The following ZNF385D variants were observed in gnomAD, a reference collection of about 807,000 sequenced individuals.
ZNF385D encodes the protein zinc finger protein 385D, also known as zinc finger protein 659.
ZNF385D carries 15 observed loss-of-function variants against 35.8 expected under a neutral mutation model. The ratio of observed to expected loss-of-function variants is 0.42; its 90% CI spans 0.28 to 0.64. The LOEUF (loss-of-function observed/expected upper bound fraction) is 0.64, where lower values mean the gene tolerates loss of function less well. ZNF385D is among the 30% of genes least tolerant of loss of function. ZNF385D has a pLI of 0.23. For synonymous variants in ZNF385D, 212 were observed against 186.8 expected, an observed-to-expected ratio of 1.13 and a Z score of -1.10; for missense variants, 474 against 494.6, an observed-to-expected ratio of 0.96 and a Z score of 0.39.
intron 3 of ZNF385D, among the ~76,000 whole-genome samples, chr3:22,072,446 T>A (rs538370643): frequency 6.6e-6 from 1 of 152,066 alleles, no homozygotes; most frequent in Non-Finnish European, 1.5e-5. Flanking sequence ...AACAATCTCA[T>A]CAAGAATCAC....
intron 2 of ZNF385D, among the ~76,000 whole-genome samples, chr3:22,359,934 A>G (rs1265549304): frequency 6.6e-6 from 1 of 151,894 alleles, no homozygotes; most frequent in African/African-American, 2.4e-5. Context: ...ATAAAAAGGT[A>G]TTTTACATGT....
chr3:22,163,945 T>G (rs1030074629), intron 3 of ZNF385D, among the ~76,000 whole-genome samples: 1 of 152,224 alleles, frequency 6.6e-6, no homozygotes, highest in Non-Finnish European at 1.5e-5. Flanking sequence ...TTTGTACAAA[T>G]CAACATTTTT....
intron 4 of ZNF385D, among the ~76,000 whole-genome samples, chr3:21,450,450 C>T (rs1280615266): frequency 6.6e-6 from 1 of 152,142 alleles, no homozygotes; most frequent in Non-Finnish European, 1.5e-5. Context: ...TAAGTCATCC[C>T]TAATTGAGGA....
intron 3 of ZNF385D, among the ~76,000 whole-genome samples, chr3:22,017,932 T>C (rs1299476890): frequency 6.6e-6 from 1 of 151,978 alleles, no homozygotes; most frequent in Non-Finnish European, 1.5e-5. Flanking sequence ...AATATAACTT[T>C]GATATTTCTT....
At chr3:21,551,153 A>G (rs2062554724) in intron 3 of ZNF385D, among the ~76,000 whole-genome samples, 3 of 152,206 alleles carry the variant, frequency 2.0e-5, no homozygotes, top group Admixed American at 2.0e-4. Context: ...AGTTAGTTCC[A>G]TGAGGTAAGA....
intron 2 of ZNF385D, among the ~76,000 whole-genome samples, chr3:22,273,794 T>A (rs756694538): frequency 5.9e-4 from 89 of 152,096 alleles, no homozygotes; most frequent in Non-Finnish European, 1.2e-3. Context: ...GGAATTCAAC[T>A]GAACTTCTAC....
intron 2 of ZNF385D, among the ~76,000 whole-genome samples, chr3:22,343,066 G>A (rs767235363): frequency 5.9e-5 from 9 of 152,224 alleles, no homozygotes; most frequent in East Asian, 3.9e-4. Context: ...ATGATTATAC[G>A]TTTTAACGAT....
At position 22,310,937 on chromosome 3, in the gene ZNF385D, A is replaced by G. The variant is rs146542973; in HGVS notation, c.106+61513T>C. Among the ~76,000 whole-genome samples, 582 of 151,946 alleles carry G rather than the reference A, an allele frequency of 3.8e-3. 5 individuals carry two copies. Among genetic ancestry groups the G allele is most frequent in the African/African-American group, 0.013 (550 of 41,508 alleles). ...TTTCAGTGTTTAATTTTGTTTATGAAGTTTTTGATGTTATAAGTCATTAAA... is the reference window on the plus strand; with the variant it reads ...TTTCAGTGTTTAATTTTGTTTATGAGGTTTTTGATGTTATAAGTCATTAAA... On this transcript the variant is annotated intron_variant, in intron 2 of 5. Transcript: ENST00000494108.
intron 2 of ZNF385D, among the ~76,000 whole-genome samples, chr3:22,217,418 C>A (rs996213773): frequency 6.6e-6 from 1 of 152,086 alleles, no homozygotes; most frequent in Non-Finnish European, 1.5e-5. Flanking sequence ...CTCATCATAC[C>A]TGATTAAAAC....
intron 2 of ZNF385D, among the ~76,000 whole-genome samples, chr3:21,655,698 A>T (rs1390397586): frequency 6.6e-6 from 1 of 152,042 alleles, no homozygotes; most frequent in Non-Finnish European, 1.5e-5. Flanking sequence ...TAGCTGATTT[A>T]AAAAATTACA....
At chr3:22,046,187 G>T (rs1698996858) in intron 3 of ZNF385D, among the ~76,000 whole-genome samples, 1 of 152,026 alleles carries the variant, frequency 6.6e-6, no homozygotes, top group Admixed American at 6.6e-5. Context: ...AAAAGTCAAA[G>T]GAAAATATTC....
chr3:21,738,022 A>G (rs1292046461), intron 1 of ZNF385D, among the ~76,000 whole-genome samples: 1 of 152,242 alleles, frequency 6.6e-6, no homozygotes, highest in Non-Finnish European at 1.5e-5. Context: ...TTCCATGAAC[A>G]GGATTTTATA....
chr3:21,802,913 G>A (rs1272116498), intron 3 of ZNF385D, among the ~76,000 whole-genome samples: 1 of 152,184 alleles, frequency 6.6e-6, no homozygotes, highest in African/African-American at 2.4e-5. Flanking sequence ...ATGCTCCCAG[G>A]AGGAACAAGG....
chr3:21,514,303 T>C (rs926065367), intron 3 of ZNF385D, among the ~76,000 whole-genome samples: 1 of 152,156 alleles, frequency 6.6e-6, no homozygotes, highest in African/African-American at 2.4e-5. Flanking sequence ...CTGTACTAAT[T>C]CATTCTACCG....
intron 2 of ZNF385D, among the ~76,000 whole-genome samples, chr3:21,573,147 CAAAA>C (rs1356170533): frequency 2.0e-5 from 3 of 151,710 alleles, no homozygotes; most frequent in Non-Finnish European, 2.9e-5. Flanking sequence ...TTTAAACAAA[CAAAA>C]AGGTGAAAAG....
intron 2 of ZNF385D, among the ~76,000 whole-genome samples, chr3:22,191,246 T>A (rs971063182): frequency 6.6e-6 from 1 of 152,052 alleles, no homozygotes; most frequent in African/African-American, 2.4e-5. Flanking sequence ...ATCCCAGCAC[T>A]TTGGGAGGCC....
intron 2 of ZNF385D, among the ~76,000 whole-genome samples, chr3:22,361,156 C>G (rs944523067): frequency 2.6e-5 from 4 of 151,974 alleles, no homozygotes; most frequent in Admixed American, 2.6e-4. Flanking sequence ...AAAACAAATT[C>G]ATTGAATAAC....
intron 3 of ZNF385D, among the ~76,000 whole-genome samples, chr3:21,551,461 C>T (rs1387994556): frequency 1.3e-5 from 2 of 152,158 alleles, no homozygotes; most frequent in Admixed American, 6.5e-5. Context: ...TGTAATAACA[C>T]TTAGATGCTA....
At chr3:21,528,966 C>G (rs2061855125) in intron 3 of ZNF385D, among the ~76,000 whole-genome samples, 1 of 152,070 alleles carries the variant, frequency 6.6e-6, no homozygotes, top group South Asian at 2.1e-4. Flanking sequence ...TTTTTGGAGG[C>G]CTCTTTTGAG....
Sources: allele counts gnomAD v4.1 joint callset (sites outside exome capture counted in the v4.1 genomes callset), GRCh38; gene constraint gnomAD v4.1.1; transcripts MANE v1.5; gene names NCBI Gene and HGNC (gene_info 2026-07-23, HGNC 2026-07-21).